MAP7D2: variants seen among roughly 807,000 people sequenced by gnomAD.
MAP7D2 encodes MAP7 domain-containing protein 2.
MAP7D2 carries 33 observed loss-of-function variants against 63.5 expected under a neutral mutation model. The ratio of observed to expected loss-of-function variants is 0.52; its 90% CI spans 0.39 to 0.70. The LOEUF (loss-of-function observed/expected upper bound fraction) is 0.70. Ranked by LOEUF, MAP7D2 falls within the 30% of genes least tolerant of loss-of-function variation. The pLI is 0.00. For synonymous variants in MAP7D2, 224 were observed against 223.7 expected, an observed-to-expected ratio of 1.00 and a Z score of -0.01; for missense variants, 626 against 604.0, an observed-to-expected ratio of 1.04 and a Z score of -0.38.
In MAP7D2 at chrX:20,010,953, G is replaced by T; in HGVS notation, c.2172C>A (p.Ala724=). The T allele has an allele frequency of 1.7e-6, 2 of 1,210,933 alleles. No homozygotes were observed. Among genetic ancestry groups the T allele is most frequent in the South Asian group, 3.5e-5 (2 of 56,927 alleles). The change falls in exon 16 of 17, where the codon GCC becomes GCA. Residue 724 remains alanine (A), a synonymous_variant. Coordinates refer to ENST00000379643, the MANE Select transcript of MAP7D2 (RefSeq NM_001168465.2). ...AATCTAAGAGATCTTGAAGTGCTCG[G>T]GCATTACCAGTTCCATTTTGGTCCA... ...VSLDQNGTGN[A]RALQDLLDFT...
chrX:20,061,118 C>CAAAAAAAAAAA (rs780468494), intron 3 of MAP7D2, among the ~76,000 whole-genome samples: 2 of 34,873 alleles, frequency 5.7e-5, no homozygotes, highest in Non-Finnish European at 1.0e-4. Flanking sequence ...AGAACATGAC[C>CAAAAAAAAAAA]AAAAAAAAAA....
intron 6 of MAP7D2, among the ~76,000 whole-genome samples, chrX:20,049,341 G>A (rs1399871416): frequency 9.7e-6 from 1 of 103,374 alleles, no homozygotes; most frequent in Admixed American, 1.1e-4. Context: ...GTGCAATCTC[G>A]GCTCACTACA....
At chrX:20,021,075 C>T (rs1032710758) in intron 10 of MAP7D2, among the ~76,000 whole-genome samples, 4 of 112,372 alleles carry the variant, frequency 3.6e-5, no homozygotes, top group African/African-American at 1.3e-4. Context: ...CCATTAAGAT[C>T]TCCTGCTTAC....
chrX:20,059,589 TGGAA>T (rs778547441), intron 3 of MAP7D2, among the ~76,000 whole-genome samples: 959 of 74,104 alleles, frequency 0.013, 10 homozygotes, highest in African/African-American at 0.033. Context: ...AGTGGAAGGG[TGGAA>T]GGAAGGAAGG....
intron 10 of MAP7D2, among the ~76,000 whole-genome samples, chrX:20,019,064 T>C (rs1024853611): frequency 9.1e-6 from 1 of 110,035 alleles, no homozygotes; most frequent in Non-Finnish European, 1.9e-5. Context: ...TTTCGTGCTG[T>C]TGCCCAAGTT....
chrX:20,063,656 C>T, intron 2 of MAP7D2, 79 bp from the exon 3 acceptor site: 1 of 1,067,570 alleles, frequency 9.4e-7, no homozygotes, highest in Non-Finnish European at 1.3e-6. Context: ...AACAAGGAAG[C>T]AAGAGCAGAG....
intron 1 of MAP7D2, among the ~76,000 whole-genome samples, chrX:20,081,770 A>C (rs945394752): frequency 9.1e-6 from 1 of 109,759 alleles, no homozygotes; most frequent in African/African-American, 3.3e-5. Context: ...CTTGTGCTTC[A>C]GCCTCCTGAG....
intron 1 of MAP7D2, among the ~76,000 whole-genome samples, chrX:20,065,264 CTTTTT>C (rs779399409): frequency 1.1e-5 from 1 of 91,449 alleles, no homozygotes. Context: ...GAACATTTTA[CTTTTT>C]TTTTTTTTTT....
rs55901756 is a variant in MAP7D2 at position 20,031,291 on chromosome X, A to AAAAATAAAAT, written c.1008-5349_1008-5340dup. The stretch of plus-strand genomic sequence containing the variant: ...AGTGACAGAGGGAGTCACCATCTCG[A>AAAAATAAAAT]AAAATAAAATAAAATAAAATAAAAT... On this transcript the variant is annotated intron_variant, in intron 8 of 16. Transcript: ENST00000379643. Among the ~76,000 whole-genome samples the AAAAATAAAAT allele has an allele frequency of 2.2e-3, 184 of 85,309 alleles. 1 individual carries two copies. The highest frequency in any genetic ancestry group is 5.8e-3 in the African/African-American group (145 of 25,071). The allele number at this position is 85,309 out of a possible 115,157, so 74.1% of individuals were successfully genotyped here.
intron 7 of MAP7D2, 36 bp from the exon 8 acceptor site, chrX:20,042,665 G>A: frequency 1.2e-5 from 14 of 1,203,968 alleles, no homozygotes; most frequent in Non-Finnish European, 1.6e-5. Context: ...GTCCATGACT[G>A]GCACTACTTC....
At chrX:20,075,311 A>G (rs182137015) in intron 1 of MAP7D2, among the ~76,000 whole-genome samples, 1,181 of 111,004 alleles carry the variant, frequency 0.011, 6 homozygotes, top group Middle Eastern at 0.019. Flanking sequence ...CCCATCCAAT[A>G]TGAATCAGTT....
chrX:20,030,074 G>A (rs762312909), intron 8 of MAP7D2, among the ~76,000 whole-genome samples: 8 of 112,271 alleles, frequency 7.1e-5, no homozygotes, highest in Non-Finnish European at 1.5e-4. Context: ...CCTGGAAATA[G>A]GTATTTTGGC....
intron 3 of MAP7D2, among the ~76,000 whole-genome samples, chrX:20,058,200 A>G (rs1375429322): frequency 8.9e-6 from 1 of 112,725 alleles, no homozygotes; most frequent in Non-Finnish European, 1.9e-5. Flanking sequence ...ATGATGGCCA[A>G]CTCTGGCAGT....
chrX:20,101,816 T>C (rs12008751), intron 1 of MAP7D2, among the ~76,000 whole-genome samples: 3,227 of 112,291 alleles, frequency 0.029, 119 homozygotes, highest in African/African-American at 0.099. Context: ...AAGAAGGATA[T>C]ACTTGATGAA....
rs927489837 is a variant in MAP7D2, at chrX:20,015,298, C to T, written c.1674G>A (p.Glu558=). The change falls in exon 12 of 17, where the codon GAG becomes GAA. Residue 558 remains glutamate, a synonymous_variant. Coordinates refer to ENST00000379643, the MANE Select transcript of MAP7D2 (RefSeq NM_001168465.2). ...TCTCGAGACGCATCTGTTCAGCTAC[C>T]TCCCGGGCCTTTGTTTCTGCTGCTT... The part of the protein sequence containing the change: ...QKEAAETKAR[E]VAEQMRLERE... The T allele has an allele frequency of 9.9e-6, 12 of 1,208,827 alleles. No homozygotes were observed. The highest frequency in any genetic ancestry group is 5.3e-5 in the African/African-American group (3 of 57,131).
At chrX:20,036,680 C>T (rs1215129827) in intron 8 of MAP7D2, among the ~76,000 whole-genome samples, 19 of 104,776 alleles carry the variant, frequency 1.8e-4, no homozygotes, top group Admixed American at 9.2e-4. Context: ...CCAAGGTGGG[C>T]GGATCACGAG....
chrX:20,091,431 A>G (rs2066068257), intron 1 of MAP7D2, among the ~76,000 whole-genome samples: 1 of 108,301 alleles, frequency 9.2e-6, no homozygotes, highest in Non-Finnish European at 1.9e-5. Flanking sequence ...GCACTTTGGG[A>G]GGCCGAGATG....
At chrX:20,092,867 T>G (rs1455296343) in intron 1 of MAP7D2, among the ~76,000 whole-genome samples, 1 of 112,478 alleles carries the variant, frequency 8.9e-6, no homozygotes, top group Non-Finnish European at 1.9e-5. Context: ...TATTAAATGT[T>G]TCTGTTGATA....
chrX:20,042,976 T>TA (rs1416484892), intron 7 of MAP7D2, among the ~76,000 whole-genome samples: 1 of 112,086 alleles, frequency 8.9e-6, no homozygotes, highest in African/African-American at 3.2e-5. Flanking sequence ...AAAATGTGGT[T>TA]ACAACATCCA....
Sources: allele counts gnomAD v4.1 joint callset (sites outside exome capture counted in the v4.1 genomes callset), GRCh38; gene constraint gnomAD v4.1.1; transcripts MANE v1.5; gene names NCBI Gene and HGNC (gene_info 2026-07-23, HGNC 2026-07-21).